KIF26B: variants seen among roughly 807,000 people sequenced by gnomAD.
KIF26B encodes the protein kinesin family member 26B.
A neutral mutation model predicts 151.2 loss-of-function variants in KIF26B; 63 were observed. The observed-to-expected ratio is 0.42, with a 90% CI of 0.34 to 0.51. KIF26B has a LOEUF of 0.51. KIF26B is among the 20% of genes least tolerant of loss of function. KIF26B has a pLI of 0.07. For missense variants in KIF26B, 2,813 were observed against 2,913.6 expected (o/e 0.97, Z 0.79); for synonymous variants, 1,357 against 1,262.1 (o/e 1.08, Z -1.59).
intron 2 of KIF26B, among the ~76,000 whole-genome samples, chr1:245,317,224 T>C (rs903216863): frequency 2.6e-5 from 4 of 152,220 alleles, no homozygotes; most frequent in Non-Finnish European, 4.4e-5. Context: ...GGAGTTGCGC[T>C]AAGGTCCCTT....
chr1:245,163,980 T>C (rs1668573280), intron 2 of KIF26B, among the ~76,000 whole-genome samples: 1 of 152,218 alleles, frequency 6.6e-6, no homozygotes, highest in Non-Finnish European at 1.5e-5. Flanking sequence ...CTCTAAGTGT[T>C]TTCTCTTTTT....
chr1:245,640,121 T>TTCTCTCTCTCTCTCTCTCTCTC (rs1330605983), intron 9 of KIF26B, among the ~76,000 whole-genome samples: 1 of 38,670 alleles, frequency 2.6e-5, no homozygotes, highest in African/African-American at 1.2e-4. Context: ...TACTAATATT[T>TTCTCTCTCTCTCTCTCTCTCTC]GCTCTCTCTC....
In KIF26B at chr1:245,595,515, C is replaced by T. The variant is rs139826766; in HGVS notation, c.1351-7062C>T. ...CTTGCATCCCAAAGATGAAGCCGAC[C>T]TGATCGTGGTGGATAAGCTTTTTGA... is the stretch of plus-strand genomic sequence containing the variant. On this transcript the variant is annotated intron_variant, in intron 5 of 14. Transcript: ENST00000407071. 6.2e-4 allele frequency among the ~76,000 whole-genome samples: 94 copies of T among 152,234 alleles called. 1 individual carries two copies. The highest frequency in any genetic ancestry group is 6.6e-4 in the Non-Finnish European group (45 of 68,014).
At chr1:245,233,953 G>A (rs112797459) in intron 2 of KIF26B, among the ~76,000 whole-genome samples, 1,756 of 152,160 alleles carry the variant, frequency 0.012, 18 homozygotes, top group Non-Finnish European at 0.02. Context: ...AGGCTGAGGC[G>A]GGCAGATCAC....
intron 4 of KIF26B, among the ~76,000 whole-genome samples, chr1:245,532,297 G>T (rs563376774): frequency 6.9e-6 from 1 of 144,600 alleles, no homozygotes; most frequent in Admixed American, 7.1e-5. Flanking sequence ...CCAGGCTGGA[G>T]TGCAGTGGCG....
intron 10 of KIF26B, among the ~76,000 whole-genome samples, chr1:245,649,634 G>A (rs2043993034): frequency 1.3e-5 from 2 of 152,070 alleles, no homozygotes; most frequent in African/African-American, 4.8e-5. Context: ...AGGGTGGCGG[G>A]GGGAACAAAA....
intron 2 of KIF26B, among the ~76,000 whole-genome samples, chr1:245,230,635 C>A (rs1416130831): frequency 6.6e-6 from 1 of 151,612 alleles, no homozygotes; most frequent in Non-Finnish European, 1.5e-5. Flanking sequence ...CCCAGCTACT[C>A]GGGAGGATGA....
intron 2 of KIF26B, among the ~76,000 whole-genome samples, chr1:245,198,669 C>T (rs934256905): frequency 2.0e-5 from 3 of 150,098 alleles, no homozygotes; most frequent in South Asian, 2.1e-4. Flanking sequence ...TTGCGTGAGT[C>T]GAGATCGAGG....
At position 245,401,916 on chromosome 1, in the gene KIF26B, C is replaced by CA. The variant is rs895840099; in HGVS notation, c.1000-17655dup. The stretch of plus-strand genomic sequence containing the variant: ...AAACACACACACACAAAAACACCAC[C>CA]AAAAAAAACCCCCGAAACAGCAACA... On this transcript the variant is annotated intron_variant, in intron 3 of 14. Coordinates refer to ENST00000407071, the MANE Select transcript of KIF26B (RefSeq NM_018012.4). Among the ~76,000 whole-genome samples, 1,495 of 151,474 alleles carry CA rather than the reference C, an allele frequency of 9.9e-3. 23 individuals are homozygous for CA. The highest frequency in any genetic ancestry group is 0.034 in the African/African-American group (1,407 of 41,284).
At chr1:245,410,595 G>A (rs112707470) in intron 3 of KIF26B, among the ~76,000 whole-genome samples, 4 of 152,022 alleles carry the variant, frequency 2.6e-5, no homozygotes, top group South Asian at 2.1e-4. Context: ...AATTACAGGC[G>A]CGTGCCACCA....
At chr1:245,220,951 A>T (rs1331702117) in intron 2 of KIF26B, among the ~76,000 whole-genome samples, 1 of 152,118 alleles carries the variant, frequency 6.6e-6, no homozygotes, top group Non-Finnish European at 1.5e-5. Flanking sequence ...ATCGGGAAGG[A>T]GCAGGCCCCA....
intron 2 of KIF26B, among the ~76,000 whole-genome samples, chr1:245,332,318 A>AC (rs1672130402): frequency 6.6e-6 from 1 of 151,890 alleles, no homozygotes; most frequent in South Asian, 2.1e-4. Flanking sequence ...AAATGACATA[A>AC]CCCCCACCCG....
At chr1:245,409,250 A>G (rs676292) in intron 3 of KIF26B, among the ~76,000 whole-genome samples, 108,729 of 152,186 alleles carry the variant, frequency 0.71, 39,567 homozygotes, top group African/African-American at 0.86. Flanking sequence ...ATCTTAAGCC[A>G]CACATGTTGG....
chr1:245,169,439 A>G (rs1668673131), intron 2 of KIF26B, among the ~76,000 whole-genome samples: 1 of 151,836 alleles, frequency 6.6e-6, no homozygotes, highest in Non-Finnish European at 1.5e-5. Flanking sequence ...CCCAGGTTTC[A>G]GACATTGTTA....
At chr1:245,518,170 G>A (rs917955092) in intron 4 of KIF26B, among the ~76,000 whole-genome samples, 7 of 152,040 alleles carry the variant, frequency 4.6e-5, no homozygotes, top group African/African-American at 1.2e-4. Flanking sequence ...GCACCCAGCA[G>A]GTGTCATGTA....
At chr1:245,641,245 C>G (rs1413909041) in intron 9 of KIF26B, among the ~76,000 whole-genome samples, 1 of 152,012 alleles carries the variant, frequency 6.6e-6, no homozygotes, top group Admixed American at 6.5e-5. Context: ...TTCTTGCTCT[C>G]TCACTGTTTT....
chr1:245,342,389 A>G (rs1333817999), intron 2 of KIF26B, among the ~76,000 whole-genome samples: 2 of 152,166 alleles, frequency 1.3e-5, no homozygotes, highest in South Asian at 4.2e-4. Flanking sequence ...TTTTGCAAAA[A>G]GTATGTTGCT....
At chr1:245,246,892 C>CAG (rs1431821235) in intron 2 of KIF26B, among the ~76,000 whole-genome samples, 20 of 140,982 alleles carry the variant, frequency 1.4e-4, no homozygotes, top group African/African-American at 4.3e-4. Flanking sequence ...CACACACACA[C>CAG]AGACACACAC....
intron 2 of KIF26B, among the ~76,000 whole-genome samples, chr1:245,184,196 G>A (rs894235188): frequency 1.3e-5 from 2 of 151,664 alleles, no homozygotes; most frequent in African/African-American, 4.8e-5. Context: ...GTGACACAAG[G>A]TAGAAGTCAC....
Sources: gnomAD v4.1 joint callset for allele counts (sites outside exome capture counted in the v4.1 genomes callset) on GRCh38, gnomAD v4.1.1 for gene constraint, MANE v1.5 for transcripts, NCBI Gene and HGNC (gene_info 2026-07-23, HGNC 2026-07-21) for gene names.